Variants in ARHGAP28 observed in about 807,000 individuals in gnomAD.
ARHGAP28 encodes rho GTPase-activating protein 28.
ARHGAP28 carries 56 observed loss-of-function variants against 90.7 expected under a neutral mutation model. That is an observed-to-expected ratio of 0.62 (90% confidence interval 0.50 to 0.77). The LOEUF (loss-of-function observed/expected upper bound fraction) is 0.77, where lower values mean the gene tolerates loss of function less well. Among genes scored for constraint, ARHGAP28 ranks in the 30% least tolerant of loss-of-function variants. ARHGAP28 has a pLI of 0.00. For missense variants in ARHGAP28, 869 were observed against 900.9 expected (o/e 0.96, Z 0.45); for synonymous variants, 308 against 323.3 (o/e 0.95, Z 0.51).
At position 6,913,866 on chromosome 18, in the gene ARHGAP28, G is replaced by T. The variant is rs1378907065; in HGVS notation, c.*1712G>T. On this transcript the variant is annotated 3_prime_UTR_variant, in exon 18 of 18. Coordinates refer to ENST00000383472, the MANE Select transcript of ARHGAP28 (RefSeq NM_001366230.1). The stretch of plus-strand genomic sequence containing the variant: ...CATGACTTTACATAATGACTTTCTA[G>T]ACTCTGAAAAAAATGCTTTTATCAT... 5 of 151,564 alleles carry T rather than the reference G, an allele frequency of 3.3e-5. No individual in the cohort carries two copies. The highest frequency in any genetic ancestry group is 5.9e-5 in the Non-Finnish European group (4 of 67,968). The allele number at this position is 151,564 out of a possible 1,614,324, so 9.4% of individuals were successfully genotyped here.
chr18:6,909,393 A>G (rs996614928), intron 17 of ARHGAP28, among the ~76,000 whole-genome samples: 2 of 151,334 alleles, frequency 1.3e-5, no homozygotes, highest in African/African-American at 4.9e-5. Context: ...CCCGGGTTCA[A>G]GTGATTCTCC....
In ARHGAP28 at chr18:6,912,958, C is replaced by T. The variant is rs1379151566; in HGVS notation, c.*804C>T. On this transcript the variant is annotated 3_prime_UTR_variant, in exon 18 of 18. Coordinates refer to ENST00000383472, the MANE Select transcript of ARHGAP28 (RefSeq NM_001366230.1). ...ATTTTCTCATTACGGTTATGATGCTCAGTATCTTTCCAAGTGCCAGGCACG... is the reference window on the plus strand; with the variant it reads ...ATTTTCTCATTACGGTTATGATGCTTAGTATCTTTCCAAGTGCCAGGCACG... 1.3e-5 allele frequency: 2 copies of T among 152,186 alleles called. No homozygotes were observed. The highest frequency in any genetic ancestry group is 4.8e-5 in the African/African-American group (2 of 41,434). 9.4% of individuals were successfully genotyped at this position (152,186 alleles called of 1,614,324 possible).
rs548131996 is a variant in ARHGAP28, at chr18:6,762,394, G to A, written c.122+32451G>A. ...TGGTTTGCCACCACTTCCCTCTCTA[G>A]CTTCAAATTTTGCTGTTTCTCTTTT... On this transcript the variant is annotated intron_variant, in intron 1 of 17. Coordinates refer to ENST00000383472, the MANE Select transcript of ARHGAP28 (RefSeq NM_001366230.1). Among the ~76,000 whole-genome samples, 50 of 152,204 alleles carry A rather than the reference G, an allele frequency of 3.3e-4. 1 individual carries two copies. The South Asian group carries it at 1.0e-2, about 30-fold the overall frequency.
intron 1 of ARHGAP28, among the ~76,000 whole-genome samples, chr18:6,801,599 G>T (rs1271619655): frequency 6.6e-6 from 1 of 152,134 alleles, no homozygotes; most frequent in African/African-American, 2.4e-5. Flanking sequence ...AACTTGGGGA[G>T]AATTGACATC....
Position 6,770,055 on chromosome 18 carries a change from C to T in ARHGAP28, c.122+40112C>T, listed in dbSNP as rs538520307. Among the ~76,000 whole-genome samples the T allele has an allele frequency of 2.6e-5, 4 of 152,266 alleles. No individual in the cohort carries two copies. The East Asian group carries it at 7.7e-4, about 29-fold the overall frequency. ...AATCAGCTGGTAGGAAATTAGCTAT[C>T]CTTCTATAAAACAACAGATGGCAGC... On this transcript the variant is annotated intron_variant, in intron 1 of 17. Coordinates refer to ENST00000383472, the MANE Select transcript of ARHGAP28 (RefSeq NM_001366230.1).
chr18:6,818,079 C>G (rs2056603608), intron 1 of ARHGAP28, among the ~76,000 whole-genome samples: 1 of 152,140 alleles, frequency 6.6e-6, no homozygotes, highest in Admixed American at 6.5e-5. Context: ...GACTATGTGC[C>G]AGGCATTTTA....
rs984775615 is a variant in ARHGAP28 at position 6,828,289 on chromosome 18, G to A, written c.325+3325G>A. ...TCAGGCAGGGAGGTTGCAGTGAGCCGAGATGGCAGCAGTACAGTCCAGCTT... is the reference window on the plus strand; with the variant it reads ...TCAGGCAGGGAGGTTGCAGTGAGCCAAGATGGCAGCAGTACAGTCCAGCTT... On this transcript the variant is annotated intron_variant, in intron 2 of 17. Coordinates refer to ENST00000383472, the MANE Select transcript of ARHGAP28 (RefSeq NM_001366230.1). Among the ~76,000 whole-genome samples, 16 of 152,272 alleles carry A rather than the reference G, an allele frequency of 1.1e-4. 1 individual carries two copies. Among genetic ancestry groups the A allele is most frequent in the Admixed American group, 7.2e-4 (11 of 15,306 alleles).
At chr18:6,755,701 TG>T (rs2056103647) in intron 1 of ARHGAP28, among the ~76,000 whole-genome samples, 1 of 152,188 alleles carries the variant, frequency 6.6e-6, no homozygotes, top group Non-Finnish European at 1.5e-5. Context: ...AGGTATAACC[TG>T]GGGTTTTCTG....
Position 6,907,546 on chromosome 18 carries a change from CAA to C in ARHGAP28, c.2031-1410_2031-1409del, listed in dbSNP as rs1182601770. On this transcript the variant is annotated intron_variant, in intron 16 of 17. Transcript: ENST00000383472. ...GCCAAGTGGGGAAAAAAAGGCAATA[CAA>C]AAATGTTTCATACTGTGTGTTTCCA... Among the ~76,000 whole-genome samples the C allele has an allele frequency of 5.3e-5, 8 of 152,172 alleles. No homozygotes were observed. In the East Asian group the frequency reaches 1.5e-3, roughly 29 times the overall value.
intron 7 of ARHGAP28, among the ~76,000 whole-genome samples, chr18:6,872,073 G>A (rs980883439): frequency 6.6e-6 from 1 of 152,144 alleles, no homozygotes; most frequent in Non-Finnish European, 1.5e-5. Flanking sequence ...AACATGTGGT[G>A]GTCGAGGGAA....
intron 1 of ARHGAP28, among the ~76,000 whole-genome samples, chr18:6,797,789 A>C (rs1567950933): frequency 1.3e-5 from 2 of 151,800 alleles, no homozygotes; most frequent in Non-Finnish European, 2.9e-5. Flanking sequence ...AGCCTCCTGA[A>C]TAGCTGTGGT....
At chr18:6,870,998 C>T (rs1567977094) in intron 7 of ARHGAP28, among the ~76,000 whole-genome samples, 2 of 152,168 alleles carry the variant, frequency 1.3e-5, no homozygotes, top group Non-Finnish European at 2.9e-5. Context: ...GATGGGGTTT[C>T]ACCATGTTAG....
chr18:6,833,093 C>A (rs1010666471), intron 2 of ARHGAP28, among the ~76,000 whole-genome samples: 7 of 152,072 alleles, frequency 4.6e-5, no homozygotes, highest in South Asian at 4.1e-4. Flanking sequence ...TACTTATATT[C>A]TTTTAATTTT....
At chr18:6,730,104 T>G (rs1047112264) in intron 1 of ARHGAP28, 161 bp downstream of exon 1, 2 of 736,800 alleles carry the variant, frequency 2.7e-6, no homozygotes, top group Admixed American at 8.8e-5. Flanking sequence ...TGCATTGTCT[T>G]TGACTGGAGG....
intron 1 of ARHGAP28, among the ~76,000 whole-genome samples, chr18:6,785,455 C>T (rs1180872212): frequency 1.3e-5 from 2 of 152,194 alleles, no homozygotes; most frequent in Non-Finnish European, 2.9e-5. Flanking sequence ...TCCAATGCAT[C>T]TTTCTACCTC....
chr18:6,864,211 G>A (rs8090762), intron 5 of ARHGAP28, among the ~76,000 whole-genome samples: 76,457 of 151,792 alleles, frequency 0.5, 20,556 homozygotes, highest in Non-Finnish European at 0.61. Flanking sequence ...GACTACAAGC[G>A]CACACCACCA....
intron 5 of ARHGAP28, 130 bp from the exon 6 acceptor site, chr18:6,868,020 A>G: frequency 2.8e-6 from 2 of 710,958 alleles, no homozygotes; most frequent in Admixed American, 5.4e-5. Flanking sequence ...CCGGTCCTTT[A>G]TGAAATCAAG....
intron 1 of ARHGAP28, among the ~76,000 whole-genome samples, chr18:6,808,019 G>A (rs936830131): frequency 3.3e-5 from 5 of 152,038 alleles, no homozygotes; most frequent in Non-Finnish European, 7.4e-5. Flanking sequence ...CTTGAGAATC[G>A]TTTCATATAT....
chr18:6,859,506 T>C (rs7243173), intron 4 of ARHGAP28, among the ~76,000 whole-genome samples: 30,098 of 152,178 alleles, frequency 0.2, 4,753 homozygotes, highest in African/African-American at 0.43. Context: ...CAAATGAGCC[T>C]GGAAATCAGG....
Sources: gnomAD v4.1 joint callset for allele counts (sites outside exome capture counted in the v4.1 genomes callset) on GRCh38, gnomAD v4.1.1 for gene constraint, MANE v1.5 for transcripts, NCBI Gene and HGNC (gene_info 2026-07-23, HGNC 2026-07-21) for gene names.